CSMD1: variants seen among roughly 807,000 people sequenced by gnomAD.
CSMD1 encodes CUB and sushi domain-containing protein 1.
A neutral mutation model predicts 417.5 loss-of-function variants in CSMD1; 213 were observed. That is an observed-to-expected ratio of 0.51 (90% CI 0.46 to 0.57). The LOEUF (loss-of-function observed/expected upper bound fraction) is 0.57, where lower values mean the gene tolerates loss of function less well. Ranked by LOEUF, CSMD1 falls within the 20% of genes least tolerant of loss-of-function variation. The pLI is 0.00. For synonymous variants in CSMD1, 2,862 were observed against 1,736.8 expected (o/e 1.65, Z -16.11); for missense variants, 6,923 against 4,529.7 (o/e 1.53, Z -15.17).
intron 23 of CSMD1, among the ~76,000 whole-genome samples, chr8:3,313,183 C>A (rs1027057469): frequency 2.6e-5 from 4 of 152,104 alleles, no homozygotes; most frequent in Admixed American, 1.3e-4. Context: ...AAAACCTAGG[C>A]AATACCATTC....
chr8:4,046,465 T>G (rs1798152472), intron 3 of CSMD1, among the ~76,000 whole-genome samples: 1 of 152,212 alleles, frequency 6.6e-6, no homozygotes, highest in South Asian at 2.1e-4. Context: ...CAGCTCAAGC[T>G]TCATGAAAAG....
At chr8:3,940,893 C>CT (rs755178781) in intron 5 of CSMD1, among the ~76,000 whole-genome samples, 1 of 150,056 alleles carries the variant, frequency 6.7e-6, no homozygotes, top group Admixed American at 6.7e-5. Flanking sequence ...CCCTTCTCCC[C>CT]CCGAGATTAT....
chr8:3,502,021 T>A, intron 10 of CSMD1, among the ~76,000 whole-genome samples: 1 of 152,166 alleles, frequency 6.6e-6, no homozygotes. Flanking sequence ...GGAAGCTTCT[T>A]ACATAACCAA....
chr8:3,888,393 T>C (rs1203970185), intron 5 of CSMD1, among the ~76,000 whole-genome samples: 1 of 152,196 alleles, frequency 6.6e-6, no homozygotes, highest in Non-Finnish European at 1.5e-5. Flanking sequence ...GAGAAGCCTA[T>C]TTCATTCTAT....
chr8:4,277,469 G>A (rs1796551982), intron 3 of CSMD1, among the ~76,000 whole-genome samples: 1 of 151,972 alleles, frequency 6.6e-6, no homozygotes, highest in Non-Finnish European at 1.5e-5. Context: ...ATACTTAAAT[G>A]TACCGTCTTA....
chr8:3,830,586 ATTGT>A (rs1375168683), intron 5 of CSMD1, among the ~76,000 whole-genome samples: 9 of 152,154 alleles, frequency 5.9e-5, no homozygotes, highest in African/African-American at 2.2e-4. Context: ...TTGAAGAATG[ATTGT>A]TTGCAAGCAA....
At chr8:3,878,106 C>T (rs1034156930) in intron 5 of CSMD1, among the ~76,000 whole-genome samples, 1 of 152,106 alleles carries the variant, frequency 6.6e-6, no homozygotes, top group Non-Finnish European at 1.5e-5. Flanking sequence ...TGCCTGTCTT[C>T]CTTCCTCCTT....
chr8:4,226,169 C>T (rs1227053884), intron 3 of CSMD1, among the ~76,000 whole-genome samples: 1 of 151,906 alleles, frequency 6.6e-6, no homozygotes, highest in Admixed American at 6.6e-5. Context: ...TGGCATCTTA[C>T]TCTTAGCAAC....
chr8:2,978,121 G>T (rs942635234), intron 55 of CSMD1, among the ~76,000 whole-genome samples: 1 of 152,150 alleles, frequency 6.6e-6, no homozygotes, highest in African/African-American at 2.4e-5. Flanking sequence ...ACCATGGACT[G>T]TACCAGGAAT....
intron 54 of CSMD1, among the ~76,000 whole-genome samples, chr8:2,988,678 C>T (rs1291184812): frequency 6.6e-6 from 1 of 152,194 alleles, no homozygotes; most frequent in African/African-American, 2.4e-5. Context: ...GATACTACTA[C>T]TAATAAAAGG....
At chr8:3,985,838 C>A (rs1814283774) in intron 5 of CSMD1, among the ~76,000 whole-genome samples, 1 of 151,142 alleles carries the variant, frequency 6.6e-6, no homozygotes, top group African/African-American at 2.4e-5. Context: ...AATGCTGAGA[C>A]TGTACCCTAG....
Position 3,481,422 on chromosome 8 carries a change from G to C in CSMD1, c.1448+12201C>G, listed in dbSNP as rs1001705578. Among the ~76,000 whole-genome samples, 3 of 152,204 alleles carry C rather than the reference G, an allele frequency of 2.0e-5. No individual in the cohort carries two copies. In the South Asian group the frequency reaches 6.2e-4, roughly 32 times the overall value. The stretch of plus-strand genomic sequence containing the variant: ...AGATAATAATTTCAAAAAGTTGAAG[G>C]GGTAAAGGGCCCTAAATGCAAGTGC... On this transcript the variant is annotated intron_variant, in intron 11 of 69. Coordinates refer to ENST00000635120, the MANE Select transcript of CSMD1 (RefSeq NM_033225.6).
intron 2 of CSMD1, among the ~76,000 whole-genome samples, chr8:4,559,463 A>G (rs1798233355): frequency 6.6e-6 from 1 of 152,198 alleles, no homozygotes; most frequent in Non-Finnish European, 1.5e-5. Flanking sequence ...ATATATAACC[A>G]TGGAGTAGAA....
chr8:4,386,459 T>A (rs988113477), intron 3 of CSMD1, among the ~76,000 whole-genome samples: 10 of 152,210 alleles, frequency 6.6e-5, no homozygotes, highest in East Asian at 4.0e-4. Flanking sequence ...TCTCTTTACA[T>A]GTCCATCAAA....
At chr8:3,268,990 T>C (rs1801641904) in intron 26 of CSMD1, among the ~76,000 whole-genome samples, 2 of 152,204 alleles carry the variant, frequency 1.3e-5, no homozygotes, top group Non-Finnish European at 1.5e-5. Flanking sequence ...TCCTCAAGAA[T>C]AGGAGAAGTG....
At chr8:4,243,131 G>T (rs919751200) in intron 3 of CSMD1, among the ~76,000 whole-genome samples, 2 of 151,992 alleles carry the variant, frequency 1.3e-5, no homozygotes, top group African/African-American at 4.8e-5. Context: ...CAGACAAATT[G>T]AGCAGTTGGA....
intron 1 of CSMD1, among the ~76,000 whole-genome samples, chr8:4,656,865 ATCAGCAGGGGCCC>A (rs1585403073): frequency 1.3e-5 from 2 of 152,148 alleles, no homozygotes; most frequent in East Asian, 3.9e-4. Flanking sequence ...AGACCACCAA[ATCAGCAGGGGCCC>A]CCAACATCTT....
chr8:4,749,994 A>G (rs1245481845), intron 1 of CSMD1, among the ~76,000 whole-genome samples: 1 of 148,876 alleles, frequency 6.7e-6, no homozygotes, highest in Non-Finnish European at 1.5e-5. Context: ...TGTTTAATTG[A>G]AAAAAAAATA....
chr8:3,988,639 T>C (rs1205667060), intron 5 of CSMD1, among the ~76,000 whole-genome samples: 2 of 152,344 alleles, frequency 1.3e-5, no homozygotes, highest in East Asian at 1.9e-4. Context: ...TAGATAAATA[T>C]GTACTTCGGT....
Sources: gnomAD v4.1 joint callset for allele counts (sites outside exome capture counted in the v4.1 genomes callset) on GRCh38, gnomAD v4.1.1 for gene constraint, MANE v1.5 for transcripts, NCBI Gene and HGNC (gene_info 2026-07-23, HGNC 2026-07-21) for gene names.